The following NBEAL1 variants were observed in gnomAD, a reference collection of about 807,000 sequenced individuals.
NBEAL1 encodes the protein neurobeachin-like protein 1.
A neutral mutation model predicts 351.3 loss-of-function variants in NBEAL1; 273 were observed. The ratio of observed to expected loss-of-function variants is 0.78; its 90% CI spans 0.70 to 0.86. The LOEUF is 0.86. Ranked by LOEUF, NBEAL1 falls within the 40% of genes least tolerant of loss-of-function variation. NBEAL1 has a pLI of 0.00. For missense variants in NBEAL1, 2,961 were observed against 3,201.3 expected (o/e 0.92, Z 1.81); for synonymous variants, 1,050 against 1,086.4 (o/e 0.97, Z 0.66).
At chr2:203,084,815 T>C in intron 10 of NBEAL1, 1 of 297,092 alleles carries the variant, frequency 3.4e-6, no homozygotes, top group East Asian at 6.5e-5. Flanking sequence ...ACATATATTA[T>C]TTTCATTCTA....
At chr2:203,151,303 G>T (rs544222385) in intron 34 of NBEAL1, among the ~76,000 whole-genome samples, 162 bp from the exon 35 acceptor site, 1 of 152,296 alleles carries the variant, frequency 6.6e-6, no homozygotes, top group African/African-American at 2.4e-5. Flanking sequence ...CTACACTCCA[G>T]CCTGGGTAAC....
chr2:203,083,597 T>C (rs1402006587), intron 9 of NBEAL1, 72 bp downstream of exon 9: 14 of 1,191,218 alleles, frequency 1.2e-5, no homozygotes, highest in Non-Finnish European at 1.4e-5. Flanking sequence ...TCTTTTGAAA[T>C]ACAAGGCCAT....
intron 10 of NBEAL1, among the ~76,000 whole-genome samples, chr2:203,092,597 T>C (rs548976723): frequency 6.6e-6 from 1 of 152,192 alleles, no homozygotes; most frequent in African/African-American, 2.4e-5. Context: ...GATATTTCCA[T>C]GTATCATGAT....
intron 10 of NBEAL1, chr2:203,086,094 T>C (rs1414431842): frequency 2.0e-5 from 3 of 152,236 alleles, no homozygotes; most frequent in Non-Finnish European, 2.9e-5. Flanking sequence ...AACCTTAATA[T>C]GTTTGTAAGT....
At chr2:203,049,320 G>A (rs2061285029) in intron 3 of NBEAL1, among the ~76,000 whole-genome samples, 1 of 152,158 alleles carries the variant, frequency 6.6e-6, no homozygotes, top group South Asian at 2.1e-4. Context: ...GCCTCCAAAA[G>A]TGCTGGGATT....
At chr2:203,184,074 T>TAAAAAAAAA (rs1170251389) in intron 44 of NBEAL1, among the ~76,000 whole-genome samples, 2 of 87,984 alleles carry the variant, frequency 2.3e-5, no homozygotes, top group African/African-American at 4.7e-5. Flanking sequence ...CGAGACTGTC[T>TAAAAAAAAA]AAAAAAAAAA....
intron 6 of NBEAL1, among the ~76,000 whole-genome samples, chr2:203,058,726 C>T (rs2061446960): frequency 6.6e-6 from 1 of 152,200 alleles, no homozygotes; most frequent in East Asian, 1.9e-4. Flanking sequence ...TTCTTCCACG[C>T]TTCATCTGGT....
chr2:203,123,649 A>T (rs2062878127), intron 19 of NBEAL1, among the ~76,000 whole-genome samples: 1 of 151,918 alleles, frequency 6.6e-6, no homozygotes, highest in African/African-American at 2.4e-5. Context: ...ACTTTTTTTT[A>T]TCTGTTACCA....
At chr2:203,092,444 A>T (rs949482971) in intron 10 of NBEAL1, among the ~76,000 whole-genome samples, 1 of 151,896 alleles carries the variant, frequency 6.6e-6, no homozygotes, top group African/African-American at 2.4e-5. Flanking sequence ...GCGCACCTGT[A>T]GTCTCAGCTG....
intron 15 of NBEAL1, among the ~76,000 whole-genome samples, chr2:203,111,367 GTTT>G (rs554929476): frequency 6.6e-6 from 1 of 150,400 alleles, no homozygotes; most frequent in Non-Finnish European, 1.5e-5. Context: ...ATTGTTTTGT[GTTT>G]TTTTTTGTTT....
At chr2:203,116,662 C>G (rs1199077192) in intron 18 of NBEAL1, among the ~76,000 whole-genome samples, 1 of 150,124 alleles carries the variant, frequency 6.7e-6, no homozygotes, top group African/African-American at 2.4e-5. Flanking sequence ...TAGTGGCATG[C>G]GCCTGTAGTC....
chr2:203,039,383 TTCCTG>T (rs1274751937), intron 2 of NBEAL1, among the ~76,000 whole-genome samples: 1 of 125,162 alleles, frequency 8.0e-6, no homozygotes, highest in African/African-American at 2.8e-5. Flanking sequence ...TCCCTTCCCT[TTCCTG>T]TCCTGTCCTG....
chr2:203,136,184 G>A lies in NBEAL1; in HGVS notation c.4321G>A (p.Asp1441Asn). ...TACTAAATCGTTTTCTGTGCACTCTGACAGAGAAAGCAGCATCACAAATGA... is the reference window on the plus strand; with the variant it reads ...TACTAAATCGTTTTCTGTGCACTCTAACAGAGAAAGCAGCATCACAAATGA... ...ESTKSFSVHS[D>N]RESSITNDMG... The change falls in exon 28 of 56, where the codon GAC becomes AAC. Residue 1441 changes from aspartate (D) to asparagine (N), a missense_variant. Asp to Asn is a conservative substitution (Grantham distance 23, BLOSUM62 1). Transcript: ENST00000683969. The A allele has an allele frequency of 6.2e-7, 1 of 1,612,756 alleles. No individual in the cohort carries two copies.
chr2:203,077,912 T>C, intron 8 of NBEAL1, 75 bp downstream of exon 8: 1 of 720,802 alleles, frequency 1.4e-6, no homozygotes, highest in Non-Finnish European at 2.1e-6. Flanking sequence ...ATTTAGTATG[T>C]TCTTTGTCTT....
intron 3 of NBEAL1, among the ~76,000 whole-genome samples, chr2:203,046,706 A>T (rs947304604): frequency 3.3e-5 from 5 of 152,190 alleles, no homozygotes; most frequent in African/African-American, 1.2e-4. Flanking sequence ...CACTCTGTTT[A>T]TAAAGACAGT....
chr2:203,190,208 A>ACC, intron 45 of NBEAL1, 84 bp from the exon 46 acceptor site: 2 of 708,906 alleles, frequency 2.8e-6, no homozygotes, highest in South Asian at 3.4e-5. Flanking sequence ...ACACACACAC[A>ACC]CCAATGAGCC....
At chr2:203,057,525 C>T in intron 6 of NBEAL1, 72 bp downstream of exon 6, 1 of 1,317,270 alleles carries the variant, frequency 7.6e-7, no homozygotes, top group Non-Finnish European at 1.0e-6. Context: ...CAAAGCAGGT[C>T]TTCTCTATGA....
intron 31 of NBEAL1, among the ~76,000 whole-genome samples, chr2:203,143,461 G>A (rs181174732): frequency 6.9e-6 from 1 of 144,926 alleles, no homozygotes; most frequent in Non-Finnish European, 1.5e-5. Context: ...AGATTTTTTT[G>A]CTCATATAGT....
At chr2:203,049,742 G>T in intron 3 of NBEAL1, 72 bp from the exon 4 acceptor site, 2 of 1,339,964 alleles carry the variant, frequency 1.5e-6, no homozygotes, top group Non-Finnish European at 2.0e-6. Context: ...TGAAAATGAA[G>T]TTCATTTAAA....
Sources: gnomAD v4.1 joint callset for allele counts (sites outside exome capture counted in the v4.1 genomes callset) on GRCh38, gnomAD v4.1.1 for gene constraint, MANE v1.5 for transcripts, NCBI Gene and HGNC (gene_info 2026-07-23, HGNC 2026-07-21) for gene names.